SLC5A1: variants seen among roughly 807,000 people sequenced by gnomAD.
SLC5A1 encodes the protein solute carrier family 5 member 1.
A neutral mutation model predicts 73.5 loss-of-function variants in SLC5A1; 42 were observed. The observed-to-expected ratio is 0.57, with a 90% CI of 0.45 to 0.74. The LOEUF is 0.74. SLC5A1 is among the 30% of genes least tolerant of loss of function. The pLI, the probability that SLC5A1 is intolerant of heterozygous loss-of-function variation, is 0.00. For synonymous variants in SLC5A1, 300 were observed against 317.4 expected, an observed-to-expected ratio of 0.95 and a Z score of 0.58; for missense variants, 634 against 855.4, an observed-to-expected ratio of 0.74 and a Z score of 3.23.
Position 32,081,917 on chromosome 22 carries a change from CT to C in SLC5A1, c.530del (p.Leu177ArgfsTer3). The C allele has an allele frequency of 1.2e-6, 2 of 1,613,860 alleles. No individual in the cohort carries two copies. The highest frequency in any genetic ancestry group is 1.7e-6 in the Non-Finnish European group (2 of 1,179,830). ...IFINLALGLNLYLAIFLLLAI... is the reference protein window; with the variant it reads ...IFINLALGLNXYLAIFLLLAI... ...CATCAATCTGGCCTTAGGCCTGAAT[CT>C]GTATTTAGCCATCTTTCTCTTATTG... is the stretch of plus-strand genomic sequence containing the variant. On this transcript the variant is annotated frameshift_variant, in exon 6 of 15. Transcript: ENST00000266088. LOFTEE classifies it high-confidence loss of function.
chr22:32,085,391 G>T (rs1407560755), intron 9 of SLC5A1, among the ~76,000 whole-genome samples: 5 of 152,006 alleles, frequency 3.3e-5, no homozygotes, highest in African/African-American at 4.8e-5. Context: ...CTTCCAAAGT[G>T]CTGGGATTAT....
intron 10 of SLC5A1, 61 bp downstream of exon 10, chr22:32,086,388 AC>A: frequency 9.2e-7 from 1 of 1,083,942 alleles, no homozygotes; most frequent in Non-Finnish European, 1.4e-6. Context: ...GGGTTTAGGC[AC>A]CACCTACATT....
At chr22:32,047,670 T>C (rs2093938920) in intron 1 of SLC5A1, among the ~76,000 whole-genome samples, 1 of 152,220 alleles carries the variant, frequency 6.6e-6, no homozygotes, top group African/African-American at 2.4e-5. Context: ...GACACAATAA[T>C]GGCCCTGCTT....
chr22:32,043,338 C>T lies in SLC5A1; in HGVS notation c.57C>T (p.Thr19=). 6.2e-7 allele frequency: 1 copy of T among 1,614,172 alleles called. No individual in the cohort carries two copies. The highest frequency in any genetic ancestry group is 8.5e-7 in the Non-Finnish European group (1 of 1,180,026). The part of the protein sequence containing the change: ...KTTAVTRPVE[T]HELIRNAADI... Reference sequence around the variant, plus strand: ...CCGCGGTCACCCGGCCTGTTGAGACCCACGAGCTCATTCGCAATGCAGCCG... The same window carrying T: ...CCGCGGTCACCCGGCCTGTTGAGACTCACGAGCTCATTCGCAATGCAGCCG... The change falls in exon 1 of 15, where the codon ACC becomes ACT. Residue 19 remains threonine, a synonymous_variant. Coordinates refer to ENST00000266088, the MANE Select transcript of SLC5A1 (RefSeq NM_000343.4). This position sits in a 1 kb window ranked among gnomAD's most constrained non-coding sequence, Gnocchi z 6.5.
rs185883847 is a variant in SLC5A1, at chr22:32,104,844, C to A, written c.1724C>A (p.Ala575Glu). 6 of 1,613,988 alleles carry A rather than the reference C, an allele frequency of 3.7e-6. No homozygotes were observed. Among genetic ancestry groups the A allele is most frequent in the Non-Finnish European group, 4.2e-6 (5 of 1,179,948 alleles). Residue 575 changes from alanine (A) to glutamate (E), a missense_variant, in exon 14 of 15, where the codon GCG becomes GAG. By Grantham distance (107) the Ala-to-Glu change is moderately radical. Coordinates refer to ENST00000266088, the MANE Select transcript of SLC5A1 (RefSeq NM_000343.4). ...NSKEERIDLD[A>E]EEENIQEGPK... ...AAAGAGGAGCGTATTGACCTGGATGCGGAAGAGGAGAACATCCAAGAAGGC... is the reference window on the plus strand; with the variant it reads ...AAAGAGGAGCGTATTGACCTGGATGAGGAAGAGGAGAACATCCAAGAAGGC...
Position 32,091,606 on chromosome 22 carries a change from T to C in SLC5A1, c.1130-6T>C. ...TATGTGCCACTCAAAAATCCTTCTC[T>C]TCCAGGACTGCGAGGCCTGATGCTA... On this transcript the variant is annotated splice_polypyrimidine_tract_variant and splice_region_variant and intron_variant, in intron 10 of 14. Coordinates refer to ENST00000266088, the MANE Select transcript of SLC5A1 (RefSeq NM_000343.4). 2 of 1,614,044 alleles carry C rather than the reference T, an allele frequency of 1.2e-6. No homozygotes were observed. The highest frequency in any genetic ancestry group is 1.7e-6 in the Non-Finnish European group (2 of 1,179,946).
intron 2 of SLC5A1, 57 bp downstream of exon 2, chr22:32,050,071 A>G: frequency 6.9e-7 from 1 of 1,444,594 alleles, no homozygotes; most frequent in East Asian, 2.3e-5. Context: ...TCCCTTTAGG[A>G]ACTCATTTTC....
chr22:32,046,943 C>T (rs745659513), intron 1 of SLC5A1, among the ~76,000 whole-genome samples: 2 of 152,146 alleles, frequency 1.3e-5, no homozygotes, highest in African/African-American at 2.4e-5. Context: ...CTCTTGTGCT[C>T]ACAGAACAAT....
chr22:32,110,139 TGGA>T lies in SLC5A1; in HGVS notation c.1925_1927del (p.Arg642del). 1 of 1,614,172 alleles carries T rather than the reference TGGA, an allele frequency of 6.2e-7. No individual in the cohort carries two copies. The highest frequency in any genetic ancestry group is 8.5e-7 in the Non-Finnish European group (1 of 1,180,010). On this transcript the variant is annotated inframe_deletion, in exon 15 of 15. Coordinates refer to ENST00000266088, the MANE Select transcript of SLC5A1 (RefSeq NM_000343.4). ...GACGGACACCTCTGAGAAGCCTTTG[TGGA>T]GGACAGTGTTGAACGTCAATGGCAT...
intron 5 of SLC5A1, among the ~76,000 whole-genome samples, chr22:32,076,850 G>A (rs185322288): frequency 7.7e-4 from 118 of 152,316 alleles, no homozygotes; most frequent in Non-Finnish European, 1.4e-3. Flanking sequence ...TCCAACGGGG[G>A]TCTGTATTTT....
At chr22:32,059,472 A>G in intron 2 of SLC5A1, 1 of 460,492 alleles carries the variant, frequency 2.2e-6, no homozygotes, top group Non-Finnish European at 2.9e-6. Flanking sequence ...TCCAGGAAAA[A>G]CGAAAATGTC....
Position 32,084,630 on chromosome 22 carries a change from CT to C in SLC5A1, c.858del (p.Thr287ProfsTer24). On this transcript the variant is annotated frameshift_variant, in exon 8 of 15. Transcript: ENST00000266088. LOFTEE classifies it high-confidence loss of function. ...TGGGTTCATCTTTGGGATGTCCATC[CT>C]TACCTTGTGGTACTGGTGCACAGAT... ...WPGFIFGMSI[L>X]TLWYWCTDQV... 1 of 1,614,176 alleles carries C rather than the reference CT, an allele frequency of 6.2e-7. No individual in the cohort carries two copies. The highest frequency in any genetic ancestry group is 8.5e-7 in the Non-Finnish European group (1 of 1,180,002).
chr22:32,076,941 C>T (rs977336211), intron 5 of SLC5A1, among the ~76,000 whole-genome samples: 1 of 152,210 alleles, frequency 6.6e-6, no homozygotes, highest in Non-Finnish European at 1.5e-5. Context: ...AAATCCAACA[C>T]ACGATCTATT....
chr22:32,083,675 T>G lies in SLC5A1; in HGVS notation c.664+521T>G, dbSNP rs1156769310. 4.6e-5 allele frequency among the ~76,000 whole-genome samples: 7 copies of G among 152,112 alleles called. No homozygotes were observed. In the East Asian group the frequency reaches 1.3e-3, roughly 29 times the overall value. On this transcript the variant is annotated intron_variant, in intron 7 of 14. Coordinates refer to ENST00000266088, the MANE Select transcript of SLC5A1 (RefSeq NM_000343.4). ...GTTGGCCCTCCAATTAATTTTTTTT[T>G]TTTTTGCAATTTTACTTGTCTATGA...
intron 1 of SLC5A1, among the ~76,000 whole-genome samples, chr22:32,049,648 C>G (rs2093942662): frequency 6.6e-6 from 1 of 151,866 alleles, no homozygotes; most frequent in African/African-American, 2.4e-5. Context: ...ATTTAACAGA[C>G]AAGCAAGCAG....
In SLC5A1 at chr22:32,112,669, T is replaced by C. The variant is rs1267474238; in HGVS notation, c.*2456T>C. 1.3e-5 allele frequency: 2 copies of C among 152,120 alleles called. No individual in the cohort carries two copies. The highest frequency in any genetic ancestry group is 1.3e-4 in the Admixed American group (2 of 15,268). The allele number at this position is 152,120 out of a possible 1,614,324, so 9.4% of individuals were successfully genotyped here. Reference sequence around the variant, plus strand: ...CAAATACCACATGATCTCACTGATATGTAGAATCTTAAAAAGTCAAACTCA... The same window carrying C: ...CAAATACCACATGATCTCACTGATACGTAGAATCTTAAAAAGTCAAACTCA... On this transcript the variant is annotated 3_prime_UTR_variant, in exon 15 of 15. Transcript: ENST00000266088.
chr22:32,095,201 G>C (rs139547947), intron 11 of SLC5A1, among the ~76,000 whole-genome samples: 6,832 of 152,268 alleles, frequency 0.045, 208 homozygotes, highest in Non-Finnish European at 0.071. Flanking sequence ...TGTGGTCTGA[G>C]AGAGTACTTG....
At chr22:32,044,808 G>T (rs549258228) in intron 1 of SLC5A1, among the ~76,000 whole-genome samples, 1 of 152,228 alleles carries the variant, frequency 6.6e-6, no homozygotes, top group Admixed American at 6.5e-5. Flanking sequence ...ATACGCAGAG[G>T]TGAATCTGAA....
At chr22:32,074,769 A>G (rs188199836) in intron 5 of SLC5A1, among the ~76,000 whole-genome samples, 303 of 152,276 alleles carry the variant, frequency 2.0e-3, no homozygotes, top group Non-Finnish European at 2.5e-3. Flanking sequence ...ATCCCTTGAC[A>G]AATACATAAG....
Sources: gnomAD v4.1 joint callset for allele counts (sites outside exome capture counted in the v4.1 genomes callset) on GRCh38, gnomAD v4.1.1 for gene constraint, Gnocchi (gnomAD v3.1) non-coding constraint, MANE v1.5 for transcripts, NCBI Gene and HGNC (gene_info 2026-07-23, HGNC 2026-07-21) for gene names.